The following HELZ variants were observed in gnomAD, a reference collection of about 807,000 sequenced individuals.
HELZ encodes helicase with zinc finger, also known as ATP-dependent RNA helicase with zinc finger domain.
HELZ carries 23 observed loss-of-function variants against 218.2 expected under a neutral mutation model. The observed-to-expected ratio is 0.11, with a 90% confidence interval of 0.08 to 0.15. The LOEUF (loss-of-function observed/expected upper bound fraction) is 0.15. Among genes scored for constraint, HELZ ranks in the 10% least tolerant of loss-of-function variants. The pLI is 1.00. For missense variants in HELZ, 1,813 were observed against 2,353.7 expected, an observed-to-expected ratio of 0.77 and a Z score of 4.75; for synonymous variants, 814 against 829.4, an observed-to-expected ratio of 0.98 and a Z score of 0.32.
At chr17:67,241,983 G>C (rs1431169851) in intron 2 of HELZ, among the ~76,000 whole-genome samples, 1 of 152,176 alleles carries the variant, frequency 6.6e-6, no homozygotes, top group Non-Finnish European at 1.5e-5. Context: ...AAAATGTCTT[G>C]ACACAATTCA....
At chr17:67,178,624 A>G (rs1567867141) in intron 13 of HELZ, 35 bp downstream of exon 13, 1 of 1,553,412 alleles carries the variant, frequency 6.4e-7, no homozygotes, top group Non-Finnish European at 8.7e-7. Context: ...CAAAGGGGAG[A>G]TTTTTTGTTT....
chr17:67,167,017 C>G (rs942888029), intron 14 of HELZ, among the ~76,000 whole-genome samples: 33 of 152,212 alleles, frequency 2.2e-4, no homozygotes, highest in Non-Finnish European at 2.9e-5. Context: ...GATACTCTAT[C>G]AATTTACAAT....
At chr17:67,141,108 C>A (rs570798127) in intron 21 of HELZ, among the ~76,000 whole-genome samples, 1 of 152,002 alleles carries the variant, frequency 6.6e-6, no homozygotes, top group Admixed American at 6.6e-5. Context: ...CAAGTGATAC[C>A]GGACAATAAT....
At chr17:67,228,148 C>T (rs1567910247) in intron 3 of HELZ, among the ~76,000 whole-genome samples, 1 of 152,258 alleles carries the variant, frequency 6.6e-6, no homozygotes, top group East Asian at 1.9e-4. Context: ...TCACTATCTC[C>T]TTTGATAGAA....
intron 3 of HELZ, among the ~76,000 whole-genome samples, chr17:67,226,382 A>G (rs1324755439): frequency 6.6e-6 from 1 of 152,218 alleles, no homozygotes; most frequent in Non-Finnish European, 1.5e-5. Flanking sequence ...TATAATGATA[A>G]CAAATAAGCA....
Position 67,120,469 on chromosome 17 carries a change from A to C in HELZ, c.3774T>G (p.Pro1258=), listed in dbSNP as rs2037574247. Residue 1258 remains proline (P), a synonymous_variant, in exon 27 of 33, where the codon CCT becomes CCG. Coordinates refer to ENST00000358691, the MANE Select transcript of HELZ (RefSeq NM_014877.4). The part of the protein sequence containing the change: ...PIPYGLGHHP[P]VTIGQPQNQH... ...GATTTTGTGGCTGGCCTATGGTGAC[A>C]GGTGGGTGATGTCCAAGGCCATAAG... The C allele has an allele frequency of 6.2e-7, 1 of 1,613,890 alleles. No individual in the cohort carries two copies. Among genetic ancestry groups the C allele is most frequent in the South Asian group, 1.1e-5 (1 of 91,080 alleles).
chr17:67,160,741 T>C (rs911689498), intron 16 of HELZ, among the ~76,000 whole-genome samples, 156 bp downstream of exon 16: 2 of 152,208 alleles, frequency 1.3e-5, no homozygotes, highest in Non-Finnish European at 2.9e-5. Context: ...AAATTTTTAG[T>C]GCTCTGGGGT....
At position 67,076,856 on chromosome 17, in the gene HELZ, T is replaced by C. The variant is rs1385668781; in HGVS notation, c.*1396A>G. 1.3e-5 allele frequency: 2 copies of C among 151,950 alleles called. No individual in the cohort carries two copies. The highest frequency in any genetic ancestry group is 4.8e-5 in the African/African-American group (2 of 41,354). The allele number at this position is 151,950 out of a possible 1,614,324, so 9.4% of individuals were successfully genotyped here. On this transcript the variant is annotated 3_prime_UTR_variant, in exon 33 of 33. Coordinates refer to ENST00000358691, the MANE Select transcript of HELZ (RefSeq NM_014877.4). ...GAAAGGTTCCCCAGCCTCATCTTAT[T>C]TTTTTTTAAAAGTTTATATTGTAGT...
chr17:67,081,470 C>T (rs2036187180), intron 32 of HELZ, among the ~76,000 whole-genome samples: 1 of 152,158 alleles, frequency 6.6e-6, no homozygotes, highest in South Asian at 2.1e-4. Context: ...AAAGTTTTCT[C>T]CCAACTATTC....
chr17:67,162,564 G>A (rs1012991029), intron 15 of HELZ, among the ~76,000 whole-genome samples: 4 of 151,868 alleles, frequency 2.6e-5, no homozygotes, highest in South Asian at 4.2e-4. Flanking sequence ...AAAACCATCC[G>A]AGGAGCCTTC....
At chr17:67,182,544 A>G (rs1402275466) in intron 12 of HELZ, among the ~76,000 whole-genome samples, 1 of 152,244 alleles carries the variant, frequency 6.6e-6, no homozygotes. Context: ...CAATTCTTAC[A>G]ATAATAAATC....
intron 20 of HELZ, among the ~76,000 whole-genome samples, chr17:67,147,496 G>C (rs973791345): frequency 4.6e-5 from 7 of 152,014 alleles, no homozygotes; most frequent in African/African-American, 1.7e-4. Context: ...TTTTGTTTTT[G>C]AGACAGGGTC....
At position 67,166,447 on chromosome 17, in the gene HELZ, C is replaced by T. The variant is rs182799243; in HGVS notation, c.1895+31G>A. Reference sequence around the variant, plus strand: ...GATATTCAATTTAATATTAACCTAACTTCCTTTAATAAGATATCGCCTTTT... The same window carrying T: ...GATATTCAATTTAATATTAACCTAATTTCCTTTAATAAGATATCGCCTTTT... On this transcript the variant is annotated intron_variant, in intron 15 of 32. Coordinates refer to ENST00000358691, the MANE Select transcript of HELZ (RefSeq NM_014877.4). The T allele has an allele frequency of 1.3e-4, 202 of 1,569,592 alleles. No individual in the cohort carries two copies. In the African/African-American group the frequency reaches 2.6e-3, roughly 20 times the overall value.
At chr17:67,087,509 G>A (rs780392999) in intron 31 of HELZ, among the ~76,000 whole-genome samples, 6 of 152,166 alleles carry the variant, frequency 3.9e-5, no homozygotes, top group Non-Finnish European at 7.4e-5. Context: ...TTGAGTCATG[G>A]CCCTCTTGAG....
At position 67,197,278 on chromosome 17, in the gene HELZ, A is replaced by G. The variant is rs568849526; in HGVS notation, c.430-1808T>C. Among the ~76,000 whole-genome samples, 3 of 150,790 alleles carry G rather than the reference A, an allele frequency of 2.0e-5. No individual in the cohort carries two copies. In the South Asian group the frequency reaches 6.2e-4, roughly 31 times the overall value. On this transcript the variant is annotated intron_variant, in intron 7 of 32. Transcript: ENST00000358691. ...TCTTGTCTGCCGCCATGTGAGATGT[A>G]CCTTTCACCTTCTGCTGATTGTGAG... is the stretch of plus-strand genomic sequence containing the variant.
At position 67,078,238 on chromosome 17, in the gene HELZ, G is replaced by GGA. The variant is rs1555590314; in HGVS notation, c.*13_*14insTC. 8.4e-6 allele frequency: 13 copies of GGA among 1,541,296 alleles called. No individual in the cohort carries two copies. The highest frequency in any genetic ancestry group is 1.2e-5 in the Non-Finnish European group (13 of 1,125,198). ...GAAATTAAAACATTCTCCCTTGAGGGAAAAAAAAAGTGATTATTTAAAATA... is the reference window on the plus strand; with the variant it reads ...GAAATTAAAACATTCTCCCTTGAGGGGAAAAAAAAAAGTGATTATTTAAAATA... On this transcript the variant is annotated 3_prime_UTR_variant, in exon 33 of 33. Transcript: ENST00000358691.
intron 23 of HELZ, among the ~76,000 whole-genome samples, chr17:67,133,756 C>T (rs558360135): frequency 1.3e-5 from 2 of 152,296 alleles, no homozygotes; most frequent in South Asian, 4.1e-4. Flanking sequence ...CTCAAGCAAT[C>T]CGCCCACCAG....
Position 67,086,689 on chromosome 17 carries a change from C to T in HELZ, c.5494+140G>A. ...AGAATCAATATAGTCCTAAATTGCA[C>T]ACCTATGAGCTATTAGCATCATTAA... On this transcript the variant is annotated intron_variant, in intron 32 of 32. Coordinates refer to ENST00000358691, the MANE Select transcript of HELZ (RefSeq NM_014877.4). The T allele has an allele frequency of 8.3e-6, 4 of 479,894 alleles. No homozygotes were observed. In the South Asian group the frequency reaches 1.0e-4, roughly 12 times the overall value. The allele number at this position is 479,894 out of a possible 1,614,324, so 29.7% of individuals were successfully genotyped here.
intron 5 of HELZ, among the ~76,000 whole-genome samples, chr17:67,207,346 A>G (rs917829013): frequency 4.7e-5 from 7 of 147,616 alleles, no homozygotes; most frequent in African/African-American, 1.5e-4. Context: ...CAGCCTCACC[A>G]GTAGCTGGTA....
Sources: gnomAD v4.1 joint callset for allele counts (sites outside exome capture counted in the v4.1 genomes callset) on GRCh38, gnomAD v4.1.1 for gene constraint, MANE v1.5 for transcripts, NCBI Gene and HGNC (gene_info 2026-07-23, HGNC 2026-07-21) for gene names.